The following DCC variants were observed in gnomAD, a reference collection of about 807,000 sequenced individuals.
The protein encoded by DCC is netrin receptor DCC.
A neutral mutation model predicts 172.5 loss-of-function variants in DCC; 58 were observed. The observed-to-expected ratio is 0.34, with a 90% CI of 0.27 to 0.42. DCC has a LOEUF of 0.42. Ranked by LOEUF, DCC falls within the 10% of genes least tolerant of loss-of-function variation. The pLI is 1.00. For missense variants in DCC, 1,740 were observed against 1,791.0 expected, an observed-to-expected ratio of 0.97 and a Z score of 0.51; for synonymous variants, 709 against 644.5, an observed-to-expected ratio of 1.10 and a Z score of -1.52.
chr18:52,449,649 C>T (rs1988237980), intron 1 of DCC, among the ~76,000 whole-genome samples: 3 of 152,154 alleles, frequency 2.0e-5, no homozygotes, highest in Admixed American at 1.3e-4. Flanking sequence ...ATTTGTCACT[C>T]ATGTACTCTG....
At position 53,530,734 on chromosome 18, in the gene DCC, C is replaced by A; in HGVS notation, c.*81C>A. 2 of 812,740 alleles carry A rather than the reference C, an allele frequency of 2.5e-6. No homozygotes were observed. Among genetic ancestry groups the A allele is most frequent in the Admixed American group, 3.4e-5 (2 of 58,580 alleles). 50.3% of individuals were successfully genotyped at this position (812,740 alleles called of 1,614,324 possible). ...TACCCATAAACAGCACACCTGTGTCCAAGAACTCTAACCAGTGTACAGGTC... is the reference window on the plus strand; with the variant it reads ...TACCCATAAACAGCACACCTGTGTCAAAGAACTCTAACCAGTGTACAGGTC... On this transcript the variant is annotated 3_prime_UTR_variant, in exon 29 of 29. Transcript: ENST00000442544.
intron 2 of DCC, among the ~76,000 whole-genome samples, chr18:52,823,679 T>C (rs1037175456): frequency 2.6e-5 from 4 of 152,220 alleles, no homozygotes; most frequent in African/African-American, 9.6e-5. Flanking sequence ...AGAAAATTCA[T>C]AGATCAGAAT....
chr18:53,332,692 G>A (rs2057543791), intron 14 of DCC, among the ~76,000 whole-genome samples: 1 of 152,024 alleles, frequency 6.6e-6, no homozygotes, highest in African/African-American at 2.4e-5. Context: ...TTGGGGGAGG[G>A]CTTGACTATA....
intron 10 of DCC, among the ~76,000 whole-genome samples, chr18:53,206,959 T>G (rs1294504206): frequency 6.6e-6 from 1 of 152,140 alleles, no homozygotes; most frequent in African/African-American, 2.4e-5. Flanking sequence ...CAAGAGCTCC[T>G]CCTATGTAAT....
At chr18:53,381,970 C>T (rs1382431245) in intron 15 of DCC, among the ~76,000 whole-genome samples, 3 of 151,792 alleles carry the variant, frequency 2.0e-5, no homozygotes, top group Non-Finnish European at 4.4e-5. Flanking sequence ...CTCTTTAGAT[C>T]AATCATATAC....
At chr18:52,770,981 G>A (rs188033987) in intron 2 of DCC, among the ~76,000 whole-genome samples, 1 of 152,282 alleles carries the variant, frequency 6.6e-6, no homozygotes, top group Admixed American at 6.5e-5. Context: ...AATGTTCTTG[G>A]CCTCTCCTTC....
At chr18:52,642,162 G>A (rs1005982060) in intron 1 of DCC, among the ~76,000 whole-genome samples, 4 of 151,438 alleles carry the variant, frequency 2.6e-5, no homozygotes, top group Non-Finnish European at 5.9e-5. Context: ...TGAATTAACA[G>A]CGTTTGCGGT....
chr18:52,822,687 G>A (rs1314113020), intron 2 of DCC, among the ~76,000 whole-genome samples: 3 of 152,098 alleles, frequency 2.0e-5, no homozygotes, highest in Middle Eastern at 3.2e-3. Flanking sequence ...CAACCACATG[G>A]CACTTCTTTA....
chr18:52,718,032 T>C (rs1382252852), intron 1 of DCC, among the ~76,000 whole-genome samples: 5 of 152,260 alleles, frequency 3.3e-5, no homozygotes, highest in African/African-American at 9.6e-5. Context: ...TTAGCTGCCA[T>C]TGGGATTATC....
rs191672398 is a variant in DCC at position 52,741,873 on chromosome 18, C to A, written c.92-10181C>A. 8.2e-3 allele frequency among the ~76,000 whole-genome samples: 1,243 copies of A among 152,150 alleles called. 9 individuals carry two copies. Among genetic ancestry groups the A allele is most frequent in the Non-Finnish European group, 0.014 (932 of 68,010 alleles). On this transcript the variant is annotated intron_variant, in intron 1 of 28. Coordinates refer to ENST00000442544, the MANE Select transcript of DCC (RefSeq NM_005215.4). ...GTGATGAACTGAGGGTTTGCATCCC[C>A]CAGAATTCATGTATCAAAATCCTAA...
chr18:53,424,961 T>G (rs957383419), intron 21 of DCC, among the ~76,000 whole-genome samples: 1 of 152,098 alleles, frequency 6.6e-6, no homozygotes, highest in Admixed American at 6.6e-5. Context: ...TCCCGAGCCC[T>G]GGAAACCCAT....
intron 2 of DCC, among the ~76,000 whole-genome samples, chr18:52,769,325 A>T (rs2037303129): frequency 6.6e-6 from 1 of 152,216 alleles, no homozygotes; most frequent in African/African-American, 2.4e-5. Flanking sequence ...TCCTAATGAC[A>T]TATGATATAG....
chr18:52,409,739 G>A (rs1196039873), intron 1 of DCC, among the ~76,000 whole-genome samples: 1 of 152,144 alleles, frequency 6.6e-6, no homozygotes, highest in Non-Finnish European at 1.5e-5. Flanking sequence ...GTACCATAAT[G>A]TATTCAAAAA....
chr18:52,371,153 A>G (rs575189031), intron 1 of DCC, among the ~76,000 whole-genome samples: 3 of 106,092 alleles, frequency 2.8e-5, no homozygotes, highest in Admixed American at 1.9e-4. Context: ...CTTTTGGCTG[A>G]TTTAAAAAAA....
rs1568192746 is a variant in DCC, at chr18:53,533,164, T to C, written c.*2511T>C. On this transcript the variant is annotated 3_prime_UTR_variant, in exon 29 of 29. Coordinates refer to ENST00000442544, the MANE Select transcript of DCC (RefSeq NM_005215.4). Reference sequence around the variant, plus strand: ...GTTCCCTTTACCCTCAAATGATTCATATATGTATATAATTGCCTGCCCAAG... The same window carrying C: ...GTTCCCTTTACCCTCAAATGATTCACATATGTATATAATTGCCTGCCCAAG... 1 of 152,188 alleles carries C rather than the reference T, an allele frequency of 6.6e-6. No individual in the cohort carries two copies. Among genetic ancestry groups the C allele is most frequent in the African/African-American group, 2.4e-5 (1 of 41,462 alleles). 9.4% of individuals were successfully genotyped at this position (152,188 alleles called of 1,614,324 possible). A position where few individuals can be genotyped will look rare whatever the true frequency, so the allele number is the denominator to read the frequency against.
intron 26 of DCC, among the ~76,000 whole-genome samples, chr18:53,491,409 T>G (rs903269613): frequency 2.6e-5 from 4 of 152,196 alleles, no homozygotes; most frequent in African/African-American, 9.6e-5. Context: ...ATGTGCAGAA[T>G]GTACAGGTTT....
rs200842452 is a variant in DCC at position 53,182,797 on chromosome 18, C to CT, written c.1573+3684dup. ...GAGATCCTATGGTTCCTTTCCTTTC[C>CT]TTTCCCATTCCTTCCTCCCTTCCTC... On this transcript the variant is annotated intron_variant, in intron 9 of 28. Coordinates refer to ENST00000442544, the MANE Select transcript of DCC (RefSeq NM_005215.4). Among the ~76,000 whole-genome samples the CT allele has an allele frequency of 7.2e-3, 1,092 of 152,192 alleles. 2 individuals carry two copies. The highest frequency in any genetic ancestry group is 0.012 in the Admixed American group (181 of 15,278).
intron 1 of DCC, among the ~76,000 whole-genome samples, chr18:52,750,111 C>A (rs1297484239): frequency 6.6e-6 from 1 of 152,156 alleles, no homozygotes; most frequent in Non-Finnish European, 1.5e-5. Flanking sequence ...AAGCTTAGAG[C>A]AGGGTTCATT....
chr18:52,775,869 G>A lies in DCC; in HGVS notation c.412+23495G>A, dbSNP rs76853726. 2.6e-5 allele frequency among the ~76,000 whole-genome samples: 4 copies of A among 152,156 alleles called. No homozygotes were observed. The East Asian group carries it at 7.7e-4, about 29-fold the overall frequency. On this transcript the variant is annotated intron_variant, in intron 2 of 28. Coordinates refer to ENST00000442544, the MANE Select transcript of DCC (RefSeq NM_005215.4). The stretch of plus-strand genomic sequence containing the variant: ...GGAGTGCTCATGCTCACCTAGGTCC[G>A]TGAGGGTGGAGCCCCAGCCAGGGAC...
Sources: gnomAD v4.1 joint callset for allele counts (sites outside exome capture counted in the v4.1 genomes callset) on GRCh38, gnomAD v4.1.1 for gene constraint, MANE v1.5 for transcripts, NCBI Gene and HGNC (gene_info 2026-07-23, HGNC 2026-07-21) for gene names.